Variants in AGAP1 observed in about 807,000 individuals in gnomAD.
AGAP1 encodes the protein ArfGAP with GTPase domain, ankyrin repeat and PH domain 1.
Under a neutral mutation model 105.3 loss-of-function variants are expected in AGAP1, and 29 were observed. The ratio of observed to expected loss-of-function variants is 0.28; its 90% CI spans 0.21 to 0.38. The LOEUF is 0.38. Ranked by LOEUF, AGAP1 falls within the 10% of genes least tolerant of loss-of-function variation. The pLI, the probability that AGAP1 is intolerant of heterozygous loss-of-function variation, is 1.00. For synonymous variants in AGAP1, 509 were observed against 485.9 expected (o/e 1.05, Z -0.63); for missense variants, 998 against 1,165.1 (o/e 0.86, Z 2.09).
chr2:235,896,564 A>G (rs549041011), intron 10 of AGAP1, among the ~76,000 whole-genome samples: 1 of 152,318 alleles, frequency 6.6e-6, no homozygotes, highest in African/African-American at 2.4e-5. Context: ...TGCAGGCTTC[A>G]TAACATGCAT....
intron 13 of AGAP1, among the ~76,000 whole-genome samples, chr2:235,990,962 G>A (rs543399050): frequency 1.3e-5 from 2 of 152,320 alleles, no homozygotes; most frequent in Non-Finnish European, 2.9e-5. Flanking sequence ...GGCTCACCGA[G>A]GAGACCACAT....
At chr2:236,017,132 T>TA (rs899639321) in intron 13 of AGAP1, among the ~76,000 whole-genome samples, 34 of 144,260 alleles carry the variant, frequency 2.4e-4, no homozygotes, top group African/African-American at 6.3e-4. Flanking sequence ...CTACTAAAAA[T>TA]AAAAAAAAAA....
intron 16 of AGAP1, among the ~76,000 whole-genome samples, chr2:236,103,244 C>T (rs146301819): frequency 6.6e-6 from 1 of 152,328 alleles, no homozygotes; most frequent in Non-Finnish European, 1.5e-5. Flanking sequence ...GGAAAAATCT[C>T]TACACCGAGG....
chr2:235,629,396 G>C lies in AGAP1; in HGVS notation c.164-79783G>C, dbSNP rs1447031642. Among the ~76,000 whole-genome samples, 4 of 151,898 alleles carry C rather than the reference G, an allele frequency of 2.6e-5. No individual in the cohort carries two copies. In the South Asian group the frequency reaches 8.4e-4, roughly 32 times the overall value. On this transcript the variant is annotated intron_variant, in intron 1 of 17. Transcript: ENST00000304032. ...CATCTCTTGAGATGCAACAGGATCA[G>C]ACTTGTTGGGGAGCAAGGAGGAAAG...
chr2:235,576,096 T>C (rs1944723818), intron 1 of AGAP1, among the ~76,000 whole-genome samples: 1 of 152,194 alleles, frequency 6.6e-6, no homozygotes, highest in African/African-American at 2.4e-5. Context: ...GGGTGATTTG[T>C]CGCTCCCCAG....
rs1175215100 is a variant in AGAP1, at chr2:236,121,535, G to A, written c.2370+1088G>A. ...AGTCTGGTCTCGAGCTCCTGACCTC[G>A]TGATCCACCCGCCTCGGCCTCCCAA... On this transcript the variant is annotated intron_variant, in intron 17 of 17. Transcript: ENST00000304032. The surrounding 1 kb of genome is among the most constrained non-coding windows in gnomAD (Gnocchi z 4.9). 2.6e-5 allele frequency among the ~76,000 whole-genome samples: 4 copies of A among 152,012 alleles called. No homozygotes were observed. Among genetic ancestry groups the A allele is most frequent in the African/African-American group, 7.2e-5 (3 of 41,406 alleles).
chr2:235,678,148 A>G (rs929421738), intron 1 of AGAP1, among the ~76,000 whole-genome samples: 3 of 152,120 alleles, frequency 2.0e-5, no homozygotes, highest in African/African-American at 4.8e-5. Context: ...GACAGCTCCA[A>G]GATATTTGGA....
chr2:235,863,105 C>T (rs1575640636), intron 9 of AGAP1, among the ~76,000 whole-genome samples: 1 of 152,324 alleles, frequency 6.6e-6, no homozygotes, highest in South Asian at 2.1e-4. Context: ...GTAATTCATT[C>T]ATCAAATACT....
intron 1 of AGAP1, among the ~76,000 whole-genome samples, chr2:235,678,087 T>C (rs1032768009): frequency 6.6e-6 from 1 of 151,954 alleles, no homozygotes; most frequent in African/African-American, 2.4e-5. Flanking sequence ...ATGGTGCCGG[T>C]GAGCCTGCGC....
At chr2:235,588,012 C>G (rs910544276) in intron 1 of AGAP1, among the ~76,000 whole-genome samples, 1 of 152,014 alleles carries the variant, frequency 6.6e-6, no homozygotes, top group Admixed American at 6.5e-5. Flanking sequence ...CGTGGATCAC[C>G]TGAGGTCAGG....
intron 9 of AGAP1, among the ~76,000 whole-genome samples, chr2:235,844,870 T>C (rs547287279): frequency 9.2e-5 from 14 of 152,280 alleles, no homozygotes; most frequent in Admixed American, 3.3e-4. Context: ...CTGTGCCTCA[T>C]CCCTTCATTC....
chr2:236,036,570 A>G lies in AGAP1; in HGVS notation c.1655A>G (p.Glu552Gly). 1 of 1,614,092 alleles carries G rather than the reference A, an allele frequency of 6.2e-7. No individual in the cohort carries two copies. Residue 552 changes from glutamate to glycine, a missense_variant, in exon 14 of 18, where the codon GAA becomes GGA. By Grantham distance (98) the Glu-to-Gly change is moderately conservative (BLOSUM62 -2). This residue lies in a region of AGAP1 where 735 missense variants were observed against 833.4 expected (regional missense o/e 0.88). Coordinates refer to ENST00000304032, the MANE Select transcript of AGAP1 (RefSeq NM_001037131.3). This position sits in a 1 kb window ranked among gnomAD's most constrained non-coding sequence, Gnocchi z 5.7. ...GLSGTAEEQE[E>G]NFEFIIVSLT... Reference sequence around the variant, plus strand: ...ACACTCTGTGTTTCAGAACAAGAAGAAAATTTTGAGTTTATCATTGTGTCC... The same window carrying G: ...ACACTCTGTGTTTCAGAACAAGAAGGAAATTTTGAGTTTATCATTGTGTCC...
At chr2:235,670,983 A>C (rs1948382560) in intron 1 of AGAP1, 4 of 1,324,762 alleles carry the variant, frequency 3.0e-6, no homozygotes, top group South Asian at 2.1e-5. Context: ...CCACGCGGCT[A>C]CTTCAGCCTG....
intron 1 of AGAP1, among the ~76,000 whole-genome samples, chr2:235,706,020 C>T (rs958517921): frequency 6.6e-6 from 1 of 152,122 alleles, no homozygotes; most frequent in Non-Finnish European, 1.5e-5. Flanking sequence ...TAAAACTTCA[C>T]GATTTAATTT....
Position 236,042,991 on chromosome 2 carries a change from T to A in AGAP1, c.1891+2150T>A, listed in dbSNP as rs1266636772. On this transcript the variant is annotated intron_variant, in intron 15 of 17. Coordinates refer to ENST00000304032, the MANE Select transcript of AGAP1 (RefSeq NM_001037131.3). This position sits in a 1 kb window ranked among gnomAD's most constrained non-coding sequence, Gnocchi z 5.6. ...TGAGGAGCCTGAAGGGTCAAGTCAT[T>A]TGTCTGAGGTCACAGAAATAGCAAG... 1.3e-5 allele frequency among the ~76,000 whole-genome samples: 2 copies of A among 152,200 alleles called. No homozygotes were observed. The highest frequency in any genetic ancestry group is 2.4e-5 in the African/African-American group (1 of 41,454).
rs1247061978 is a variant in AGAP1 at position 235,882,555 on chromosome 2, C to T, written c.1051-790C>T. The T allele has an allele frequency of 6.0e-6, 5 of 834,902 alleles. No individual in the cohort carries two copies. The highest frequency in any genetic ancestry group is 9.3e-6 in the Non-Finnish European group (5 of 536,750). The allele number at this position is 834,902 out of a possible 1,614,324, so 51.7% of individuals were successfully genotyped here. A position where few individuals can be genotyped will look rare whatever the true frequency, so the allele number is the denominator to read the frequency against. ...TTAGCTCACTGCAACACTCTGCCTC[C>T]TGGGTTCAAGCAATTCCCCTGCTCA... On this transcript the variant is annotated intron_variant, in intron 9 of 17. Coordinates refer to ENST00000304032, the MANE Select transcript of AGAP1 (RefSeq NM_001037131.3). The surrounding 1 kb of genome is among the most constrained non-coding windows in gnomAD (Gnocchi z 4.6).
chr2:235,770,818 G>A (rs116645753), intron 6 of AGAP1, among the ~76,000 whole-genome samples: 2,348 of 152,286 alleles, frequency 0.015, 55 homozygotes, highest in African/African-American at 0.054. Context: ...CCGAGATGGT[G>A]TGGTGAGCAG....
rs1952492410 is a variant in AGAP1 at position 235,740,129 on chromosome 2, G to T, written c.311-834G>T. Among the ~76,000 whole-genome samples, 1 of 152,172 alleles carries T rather than the reference G, an allele frequency of 6.6e-6. No individual in the cohort carries two copies. The highest frequency in any genetic ancestry group is 1.5e-5 in the Non-Finnish European group (1 of 68,012). On this transcript the variant is annotated intron_variant, in intron 3 of 17. Transcript: ENST00000304032. The surrounding 1 kb of genome is among the most constrained non-coding windows in gnomAD (Gnocchi z 5.7). ...GTCTGTCATTGGAGAAGGCAGAGGA[G>T]CCAGGGTGGAATCCTTCCCGCTGCC...
intron 9 of AGAP1, among the ~76,000 whole-genome samples, chr2:235,822,625 G>T (rs1175591665): frequency 6.6e-6 from 1 of 152,030 alleles, no homozygotes; most frequent in African/African-American, 2.4e-5. Flanking sequence ...AGCTGAAGAA[G>T]CTCAGTGGTG....
Sources: allele counts gnomAD v4.1 joint callset (sites outside exome capture counted in the v4.1 genomes callset), GRCh38; gene constraint gnomAD v4.1.1; regional missense constraint gnomAD v4.1.1; non-coding constraint Gnocchi (gnomAD v3.1); transcripts MANE v1.5; gene names NCBI Gene and HGNC (gene_info 2026-07-23, HGNC 2026-07-21).